Variants in AKAP13 observed in about 807,000 individuals in gnomAD.
The protein encoded by AKAP13 is A-kinase anchoring protein 13, also known as A-kinase anchor protein 13.
In AKAP13, 80 loss-of-function variants were observed where a neutral mutation model predicts 264.5. The ratio of observed to expected loss-of-function variants is 0.30; its 90% CI spans 0.25 to 0.36. The LOEUF is 0.36. Ranked by LOEUF, AKAP13 falls within the 10% of genes least tolerant of loss-of-function variation. AKAP13 has a pLI of 1.00. For missense variants in AKAP13, 3,712 were observed against 3,435.2 expected, an observed-to-expected ratio of 1.08 and a Z score of -2.01; for synonymous variants, 1,380 against 1,250.2, an observed-to-expected ratio of 1.10 and a Z score of -2.19.
intron 8 of AKAP13, among the ~76,000 whole-genome samples, chr15:85,631,496 T>A (rs2081808763): frequency 7.7e-5 from 5 of 64,662 alleles, no homozygotes; most frequent in African/African-American, 2.7e-4. Flanking sequence ...TCTCTCTCTC[T>A]CTCTCTCACA....
intron 5 of AKAP13, 156 bp downstream of exon 5, chr15:85,544,111 C>G (rs777384535): frequency 5.8e-6 from 5 of 856,220 alleles, no homozygotes; most frequent in South Asian, 5.7e-5. Context: ...TAAGCTTGCT[C>G]CTGCTAACCA....
chr15:85,733,102 C>T lies in AKAP13; in HGVS notation c.7283-1890C>T, dbSNP rs570869164. On this transcript the variant is annotated intron_variant, in intron 30 of 36. Coordinates refer to ENST00000394518, the MANE Select transcript of AKAP13 (RefSeq NM_007200.5). ...GTTCTTAGGTCAGTCACCCTCTAGT[C>T]ATGTGGATATGTGAAGCTGATTCTC... 2.0e-5 allele frequency among the ~76,000 whole-genome samples: 3 copies of T among 152,234 alleles called. No individual in the cohort carries two copies. In the South Asian group the frequency reaches 6.2e-4, roughly 32 times the overall value.
Position 85,715,917 on chromosome 15 carries a change from T to A in AKAP13, c.5729T>A (p.Ile1910Asn). 1.2e-6 allele frequency: 2 copies of A among 1,611,938 alleles called. No individual in the cohort carries two copies. Among genetic ancestry groups the A allele is most frequent in the Non-Finnish European group, 1.7e-6 (2 of 1,179,514 alleles). Reference protein sequence around the residue: ...SLSKSVSIQNITGVGNDENMS... With the variant: ...SLSKSVSIQNNTGVGNDENMS... Reference sequence around the variant, plus strand: ...TCCAAAAGTGTCTCCATACAGAACATTACTGGGTAAGTGGAGATATTTAAA... The same window carrying A: ...TCCAAAAGTGTCTCCATACAGAACAATACTGGGTAAGTGGAGATATTTAAA... Residue 1910 changes from isoleucine (I) to asparagine (N), a missense_variant, in exon 20 of 37, where the codon ATT (isoleucine) becomes AAT (asparagine). By Grantham distance (149) the Ile-to-Asn change is moderately radical (BLOSUM62 -3). Transcript: ENST00000394518.
At position 85,655,662 on chromosome 15, in the gene AKAP13, T is replaced by C. The variant is rs147772785; in HGVS notation, c.4620T>C (p.Ser1540=). 2 of 1,614,200 alleles carry C rather than the reference T, an allele frequency of 1.2e-6. No homozygotes were observed. Among genetic ancestry groups the C allele is most frequent in the Non-Finnish European group, 1.7e-6 (2 of 1,180,028 alleles). Residue 1540 remains serine (S), a synonymous_variant, in exon 11 of 37, where the codon AGT becomes AGC. Coordinates refer to ENST00000394518, the MANE Select transcript of AKAP13 (RefSeq NM_007200.5). ...ACGTGGAGGAGGAGGAGATGGACAG[T>C]ATCACTGAAGTGCCTGCAAACTGCT... ...PGDVEEEEMD[S]ITEVPANCSV... is the part of the protein sequence containing the mutation.
intron 2 of AKAP13, among the ~76,000 whole-genome samples, chr15:85,509,837 C>G (rs1410999113): frequency 1.3e-5 from 2 of 152,218 alleles, no homozygotes; most frequent in Admixed American, 6.5e-5. Context: ...TTTAGAAACT[C>G]TCAGGTCTGA....
At chr15:85,385,275 C>T (rs1297980061) in intron 1 of AKAP13, among the ~76,000 whole-genome samples, 1 of 152,022 alleles carries the variant, frequency 6.6e-6, no homozygotes, top group Admixed American at 6.6e-5. Flanking sequence ...CTATTTGTCT[C>T]CCAAATATCT....
chr15:85,456,784 A>G lies in AKAP13; in HGVS notation c.-11-28926A>G, dbSNP rs541500692. The stretch of plus-strand genomic sequence containing the variant: ...CCAGGATGGTCTTGATCCACTTTCT[A>G]TTTCCTTATAGCTCATGTTGACAGC... On this transcript the variant is annotated intron_variant, in intron 1 of 36. Coordinates refer to ENST00000394518, the MANE Select transcript of AKAP13 (RefSeq NM_007200.5). 3.9e-5 allele frequency among the ~76,000 whole-genome samples: 6 copies of G among 151,952 alleles called. No homozygotes were observed. In the East Asian group the frequency reaches 5.8e-4, roughly 15 times the overall value.
chr15:85,656,943 G>T (rs2083125661), intron 11 of AKAP13, among the ~76,000 whole-genome samples: 1 of 152,078 alleles, frequency 6.6e-6, no homozygotes, highest in African/African-American at 2.4e-5. Context: ...ATGAGCCCAG[G>T]AGTTTGAGAC....
rs371676374 is a variant in AKAP13 at position 85,543,953 on chromosome 15, C to A, written c.660C>A (p.Thr220=). The A allele has an allele frequency of 1.9e-6, 3 of 1,611,346 alleles. No homozygotes were observed. The highest frequency in any genetic ancestry group is 2.5e-6 in the Non-Finnish European group (3 of 1,177,786). The change falls in exon 5 of 37, where the codon ACC becomes ACA. Residue 220 remains threonine, a splice_region_variant and synonymous_variant. Transcript: ENST00000394518. ...ATCACAAGCTGCACCAGCTTCTAAC[C>A]GAGTAAGTGCTCCTTCTGCCTTATT... ...RGYHKLHQLL[T]EENAGEPDSW...
chr15:85,544,641 AATAAAGAAATAAACACACTAG>A lies in AKAP13; in HGVS notation c.662+688_662+708del, dbSNP rs2077675145. ...AAGAGCGCTCTTTTATTCTTGTATA[AATAAAGAAATAAACACACTAG>A]AGCAGCCAAAAGTTTTTATTGGAAT... On this transcript the variant is annotated intron_variant, in intron 5 of 36. Coordinates refer to ENST00000394518, the MANE Select transcript of AKAP13 (RefSeq NM_007200.5). 2.0e-5 allele frequency among the ~76,000 whole-genome samples: 3 copies of A among 152,220 alleles called. No homozygotes were observed. In the South Asian group the frequency reaches 6.2e-4, roughly 32 times the overall value.
At chr15:85,444,188 C>T (rs976127332) in intron 1 of AKAP13, among the ~76,000 whole-genome samples, 1 of 152,134 alleles carries the variant, frequency 6.6e-6, no homozygotes, top group Non-Finnish European at 1.5e-5. Flanking sequence ...GCTTTCCACT[C>T]GAGCCAGCTA....
rs1208805200 is a variant in AKAP13, at chr15:85,717,933, T to C, written c.5849-74T>C. 4.1e-6 allele frequency: 6 copies of C among 1,446,890 alleles called. 1 individual carries two copies. Among genetic ancestry groups the C allele is most frequent in the Admixed American group, 1.9e-5 (1 of 51,366 alleles). 89.6% of individuals were successfully genotyped at this position (1,446,890 alleles called of 1,614,324 possible). A position where few individuals can be genotyped will look rare whatever the true frequency, so the allele number is the denominator to read the frequency against. On this transcript the variant is annotated intron_variant, in intron 21 of 36. Coordinates refer to ENST00000394518, the MANE Select transcript of AKAP13 (RefSeq NM_007200.5). ...TGTCTTATGAAATCAACTATCATCT[T>C]GAGGAAAGTCCAACATAGGCTTATT...
At chr15:85,582,145 G>A (rs972642162) in intron 7 of AKAP13, 38 bp downstream of exon 7, 2 of 1,535,214 alleles carry the variant, frequency 1.3e-6, no homozygotes, top group Admixed American at 2.0e-5. Flanking sequence ...AGTCTGAGAA[G>A]CAGATTCCCT....
intron 8 of AKAP13, among the ~76,000 whole-genome samples, chr15:85,602,157 T>C (rs1428362356): frequency 6.6e-6 from 1 of 151,900 alleles, no homozygotes; most frequent in East Asian, 1.9e-4. Flanking sequence ...AAAAGCTACT[T>C]TCGGTATGCA....
intron 17 of AKAP13, among the ~76,000 whole-genome samples, chr15:85,695,167 G>T (rs2085498134): frequency 6.6e-6 from 1 of 152,150 alleles, no homozygotes; most frequent in Admixed American, 6.5e-5. Context: ...CACTTTGGGA[G>T]GCCGAGGTGA....
intron 10 of AKAP13, among the ~76,000 whole-genome samples, chr15:85,649,042 C>T (rs978685544): frequency 2.6e-5 from 4 of 152,058 alleles, no homozygotes; most frequent in Admixed American, 2.6e-4. Flanking sequence ...AATGTTTGCT[C>T]TAGCATTAAT....
Position 85,631,801 on chromosome 15 carries a change from A to G in AKAP13, c.4162-7573A>G, listed in dbSNP as rs899281199. 7.9e-5 allele frequency among the ~76,000 whole-genome samples: 12 copies of G among 152,316 alleles called. 1 individual carries two copies. The highest frequency in any genetic ancestry group is 2.6e-4 in the African/African-American group (11 of 41,570). On this transcript the variant is annotated intron_variant, in intron 8 of 36. Coordinates refer to ENST00000394518, the MANE Select transcript of AKAP13 (RefSeq NM_007200.5). ...CAAACTAAAGTTATTTCTACTTTTT[A>G]TGTATACTATTTTTTGTATCAGCCT...
intron 3 of AKAP13, among the ~76,000 whole-genome samples, chr15:85,531,002 G>A (rs748590795): frequency 2.0e-5 from 3 of 152,136 alleles, no homozygotes; most frequent in African/African-American, 4.8e-5. Context: ...AGCCTCCCTA[G>A]TAGCTGGGAC....
chr15:85,625,472 C>T (rs1427968164), intron 8 of AKAP13, among the ~76,000 whole-genome samples: 1 of 152,178 alleles, frequency 6.6e-6, no homozygotes, highest in Non-Finnish European at 1.5e-5. Context: ...AAACCTCAGT[C>T]TTTGAATCAC....
Sources: allele counts gnomAD v4.1 joint callset (sites outside exome capture counted in the v4.1 genomes callset), GRCh38; gene constraint gnomAD v4.1.1; transcripts MANE v1.5; gene names NCBI Gene and HGNC (gene_info 2026-07-23, HGNC 2026-07-21).